Variants in PTPN13 observed in about 807,000 individuals in gnomAD.
The protein encoded by PTPN13 is tyrosine-protein phosphatase non-receptor type 13.
Under a neutral mutation model 284.0 loss-of-function variants are expected in PTPN13, and 191 were observed. The ratio of observed to expected loss-of-function variants is 0.67; its 90% CI spans 0.60 to 0.76. The LOEUF (loss-of-function observed/expected upper bound fraction) is 0.76, where lower values mean the gene tolerates loss of function less well. Ranked by LOEUF, PTPN13 falls within the 30% of genes least tolerant of loss-of-function variation. The pLI, the probability that PTPN13 is intolerant of heterozygous loss-of-function variation, is 0.00. For missense variants in PTPN13, 2,797 were observed against 2,939.9 expected (o/e 0.95, Z 1.12); for synonymous variants, 986 against 1,022.3 (o/e 0.96, Z 0.68).
chr4:86,638,410 G>C (rs187097937), intron 2 of PTPN13, among the ~76,000 whole-genome samples: 455 of 152,180 alleles, frequency 3.0e-3, no homozygotes, highest in African/African-American at 0.01. Context: ...GAGGCATCAC[G>C]CTACCTGACT....
chr4:86,804,074 T>G (rs1247729524), intron 43 of PTPN13, among the ~76,000 whole-genome samples: 1 of 152,054 alleles, frequency 6.6e-6, no homozygotes, highest in Non-Finnish European at 1.5e-5. Flanking sequence ...ACTTGATACA[T>G]TTCCCTGAAG....
At position 86,594,751 on chromosome 4, in the gene PTPN13, C is replaced by G. The variant is rs994826355; in HGVS notation, c.-44C>G. The G allele has an allele frequency of 6.6e-6, 1 of 152,332 alleles. No individual in the cohort carries two copies. Among genetic ancestry groups the G allele is most frequent in the Non-Finnish European group, 1.5e-5 (1 of 68,172 alleles). The allele number at this position is 152,332 out of a possible 1,614,324, so 9.4% of individuals were successfully genotyped here. Reference sequence around the variant, plus strand: ...ACGCCGCGTCCCTGCAGCCCTCGCCCGGCGCTCCAGTAGCAGGACCCGGTC... The same window carrying G: ...ACGCCGCGTCCCTGCAGCCCTCGCCGGGCGCTCCAGTAGCAGGACCCGGTC... On this transcript the variant is annotated 5_prime_UTR_variant, in exon 1 of 48. Coordinates refer to ENST00000411767, the MANE Select transcript of PTPN13 (RefSeq NM_080683.3).
intron 1 of PTPN13, among the ~76,000 whole-genome samples, chr4:86,609,977 C>A (rs1765121396): frequency 6.6e-6 from 1 of 152,066 alleles, no homozygotes; most frequent in Non-Finnish European, 1.5e-5. Context: ...AGTATGAATA[C>A]TAAGACTAAA....
chr4:86,734,992 T>G, intron 14 of PTPN13, 117 bp downstream of exon 14: 12 of 1,188,108 alleles, frequency 1.0e-5, no homozygotes, highest in Non-Finnish European at 1.2e-5. Context: ...TTTTGAGGCT[T>G]CTTTGGTTCC....
rs747510880 is a variant in PTPN13 at position 86,784,552 on chromosome 4, C to T, written c.6112C>T (p.Pro2038Ser). 1 of 1,600,358 alleles carries T rather than the reference C, an allele frequency of 6.2e-7. No homozygotes were observed. Among genetic ancestry groups the T allele is most frequent in the Non-Finnish European group, 8.5e-7 (1 of 1,173,634 alleles). Reference sequence around the variant, plus strand: ...AAAGGGATCACCAAACTTGACTCTGCCCAAAGGTAGTTTTCCAAATCAGTC... The same window carrying T: ...AAAGGGATCACCAAACTTGACTCTGTCCAAAGGTAGTTTTCCAAATCAGTC... ...QIKGSPNLTLPKESYIQEDDI... is the reference protein window; with the variant it reads ...QIKGSPNLTLSKESYIQEDDI... The change falls in exon 38 of 48, where the codon CCC becomes TCC. Residue 2038 changes from proline to serine, a missense_variant. Coordinates refer to ENST00000411767, the MANE Select transcript of PTPN13 (RefSeq NM_080683.3).
intron 38 of PTPN13, 57 bp from the exon 39 acceptor site, chr4:86,785,174 C>T (rs767316665): frequency 2.3e-6 from 3 of 1,318,818 alleles, no homozygotes; most frequent in Non-Finnish European, 3.1e-6. Context: ...ACACCTTGTC[C>T]CTTTCTCGTG....
At chr4:86,686,279 C>CG (rs1554309069) in intron 3 of PTPN13, among the ~76,000 whole-genome samples, 1 of 151,666 alleles carries the variant, frequency 6.6e-6, no homozygotes, top group Non-Finnish European at 1.5e-5. Context: ...GGAGAATTGC[C>CG]GGGGGATGGA....
chr4:86,691,581 A>G (rs1305977638), intron 5 of PTPN13, among the ~76,000 whole-genome samples: 1 of 152,214 alleles, frequency 6.6e-6, no homozygotes, highest in African/African-American at 2.4e-5. Flanking sequence ...TTTGTGCCAG[A>G]CACTATGCTA....
chr4:86,657,304 T>G (rs1272574723), intron 2 of PTPN13, among the ~76,000 whole-genome samples: 1 of 152,210 alleles, frequency 6.6e-6, no homozygotes, highest in Non-Finnish European at 1.5e-5. Flanking sequence ...CTGCATTTTC[T>G]GCGTCGCTCA....
intron 47 of PTPN13, among the ~76,000 whole-genome samples, chr4:86,812,680 C>T (rs1745366577): frequency 6.6e-6 from 1 of 151,944 alleles, no homozygotes; most frequent in African/African-American, 2.4e-5. Context: ...GTCCAAGGGT[C>T]TTGAGTGTTC....
At position 86,685,090 on chromosome 4, in the gene PTPN13, G is replaced by C. The variant is rs1401077958; in HGVS notation, c.295-1620G>C. Among the ~76,000 whole-genome samples, 13 of 152,112 alleles carry C rather than the reference G, an allele frequency of 8.5e-5. No homozygotes were observed. The East Asian group carries it at 2.5e-3, about 29-fold the overall frequency. ...TCAATCTCCTTATCTACTCAACAAT[G>C]TTCCTCTAGCAATCTCCATTCTCTC... On this transcript the variant is annotated intron_variant, in intron 3 of 47. Coordinates refer to ENST00000411767, the MANE Select transcript of PTPN13 (RefSeq NM_080683.3).
chr4:86,811,172 T>C (rs2149394414), intron 47 of PTPN13, 64 bp downstream of exon 47: 1 of 1,461,676 alleles, frequency 6.8e-7, no homozygotes, highest in Non-Finnish European at 9.3e-7. Flanking sequence ...TTTAAGGTTC[T>C]TATTAAACCA....
At chr4:86,770,944 G>A (rs550251031) in intron 30 of PTPN13, among the ~76,000 whole-genome samples, 3 of 152,112 alleles carry the variant, frequency 2.0e-5, no homozygotes, top group Admixed American at 1.3e-4. Flanking sequence ...ATTTTTGAGA[G>A]TATGAGACAA....
Position 86,775,335 on chromosome 4 carries a change from G to A in PTPN13, c.5673G>A (p.Glu1891=), listed in dbSNP as rs769178238. Residue 1891 remains glutamate, a synonymous_variant, in exon 34 of 48, where the codon GAG becomes GAA. Transcript: ENST00000411767. ...ACATAACACTAACGTGCAACAAAGA[G>A]GAGTTGGGTAATGAAAAGTCAAACT... The part of the protein sequence containing the change: ...LPDITLTCNK[E]ELGFSLCGGH... The A allele has an allele frequency of 6.2e-7, 1 of 1,611,668 alleles. No individual in the cohort carries two copies. The highest frequency in any genetic ancestry group is 1.7e-5 in the Admixed American group (1 of 59,670).
intron 3 of PTPN13, among the ~76,000 whole-genome samples, chr4:86,680,347 CTCTATCTATCTATCTATCTATCTATCTA>C: frequency 7.0e-6 from 1 of 142,652 alleles, no homozygotes; most frequent in South Asian, 2.4e-4. Context: ...TTCTATCTAT[CTCTATCTATCTATCTATCTATCTATCTA>C]TCTATCTATC....
At position 86,805,347 on chromosome 4, in the gene PTPN13, C is replaced by A; in HGVS notation, c.6723C>A (p.Asn2241Lys). Residue 2241 changes from asparagine (N) to lysine (K), a missense_variant, in exon 44 of 48, where the codon AAC (asparagine) becomes AAA (lysine). By Grantham distance (94) the Asn-to-Lys change is moderately conservative (BLOSUM62 0). Transcript: ENST00000411767. Reference protein sequence around the residue: ...IGQTKENRRKNRYKNILPYDA... With the variant: ...IGQTKENRRKKRYKNILPYDA... ...AAACTAAGGAAAACAGAAGGAAGAA[C>A]AGATATAAAAATATACTTCCCTGTA... is the stretch of plus-strand genomic sequence containing the variant. The A allele has an allele frequency of 6.3e-7, 1 of 1,594,394 alleles. No individual in the cohort carries two copies. Among genetic ancestry groups the A allele is most frequent in the Non-Finnish European group, 8.6e-7 (1 of 1,164,410 alleles).
Position 86,609,547 on chromosome 4 carries a change from C to T in PTPN13, c.-6+14758C>T, listed in dbSNP as rs188116246. Among the ~76,000 whole-genome samples, 366 of 152,168 alleles carry T rather than the reference C, an allele frequency of 2.4e-3. 2 individuals carry two copies. The highest frequency in any genetic ancestry group is 8.3e-3 in the African/African-American group (343 of 41,522). On this transcript the variant is annotated intron_variant, in intron 1 of 47. Coordinates refer to ENST00000411767, the MANE Select transcript of PTPN13 (RefSeq NM_080683.3). ...CAGTGTGAAACTTTGTATGTACCCT[C>T]GTAGTATGCTAAAAGCTCTTGGCTT...
At chr4:86,652,868 A>G (rs368228464) in intron 2 of PTPN13, among the ~76,000 whole-genome samples, 2 of 151,724 alleles carry the variant, frequency 1.3e-5, no homozygotes, top group South Asian at 2.1e-4. Flanking sequence ...CTTTAAGGCC[A>G]ATAATTCTTA....
intron 2 of PTPN13, among the ~76,000 whole-genome samples, chr4:86,638,660 C>T (rs1227480051): frequency 2.0e-5 from 3 of 152,142 alleles, no homozygotes; most frequent in Non-Finnish European, 4.4e-5. Flanking sequence ...CTTCCTTACA[C>T]CTTATACAAA....
Sources: allele counts gnomAD v4.1 joint callset (sites outside exome capture counted in the v4.1 genomes callset), GRCh38; gene constraint gnomAD v4.1.1; transcripts MANE v1.5; gene names NCBI Gene and HGNC (gene_info 2026-07-23, HGNC 2026-07-21).